The following KLHL4 variants were observed in gnomAD, a reference collection of about 807,000 sequenced individuals.
KLHL4 encodes the protein kelch like family member 4.
A neutral mutation model predicts 45.8 loss-of-function variants in KLHL4; 17 were observed. The observed-to-expected ratio is 0.37, with a 90% CI of 0.25 to 0.56. KLHL4 has a LOEUF of 0.56. KLHL4 is among the 20% of genes least tolerant of loss of function. The probability of loss-of-function intolerance (pLI) is 0.79; values close to 1 mark genes in which losing one functional copy is unlikely to be tolerated. For synonymous variants in KLHL4, 224 were observed against 189.9 expected, an observed-to-expected ratio of 1.18 and a Z score of -1.47; for missense variants, 544 against 544.9, an observed-to-expected ratio of 1.00 and a Z score of 0.02.
At chrX:87,642,123 T>A (rs1466675976) in intron 9 of KLHL4, among the ~76,000 whole-genome samples, 2 of 110,117 alleles carry the variant, frequency 1.8e-5, no homozygotes, top group African/African-American at 6.6e-5. Context: ...AAGCTAAGAA[T>A]CCTCACAGAC....
intron 1 of KLHL4, 92 bp downstream of exon 1, chrX:87,518,407 A>G: frequency 2.6e-6 from 2 of 782,602 alleles, no homozygotes; most frequent in Non-Finnish European, 3.7e-6. Flanking sequence ...AAAGTGTCAT[A>G]ATAATCTCTG....
intron 1 of KLHL4, among the ~76,000 whole-genome samples, chrX:87,547,852 C>T (rs750632468): frequency 9.9e-5 from 11 of 111,136 alleles, no homozygotes; most frequent in African/African-American, 3.3e-4. Flanking sequence ...AAAAATTAAG[C>T]ATGTACAAAA....
At chrX:87,634,187 G>A (rs1923187637) in intron 8 of KLHL4, among the ~76,000 whole-genome samples, 1 of 111,491 alleles carries the variant, frequency 9.0e-6, no homozygotes, top group Non-Finnish European at 1.9e-5. Flanking sequence ...TCCTAGCCCC[G>A]ACCCAGCTTT....
intron 1 of KLHL4, among the ~76,000 whole-genome samples, chrX:87,523,022 GTTA>G (rs1341621095): frequency 2.7e-5 from 3 of 111,839 alleles, no homozygotes; most frequent in East Asian, 2.8e-4. Context: ...ATTAAACATA[GTTA>G]TTATTTCTGA....
intron 1 of KLHL4, among the ~76,000 whole-genome samples, chrX:87,539,114 G>A (rs953466536): frequency 1.8e-5 from 2 of 110,681 alleles, no homozygotes; most frequent in Non-Finnish European, 3.8e-5. Flanking sequence ...ATACAAATTC[G>A]ATTCTGTATA....
intron 1 of KLHL4, among the ~76,000 whole-genome samples, chrX:87,567,260 A>G (rs1932233466): frequency 9.0e-6 from 1 of 111,378 alleles, no homozygotes; most frequent in Admixed American, 9.6e-5. Flanking sequence ...GATGCTCATT[A>G]TGATGGATAC....
chrX:87,562,805 G>T (rs753026594), intron 1 of KLHL4, among the ~76,000 whole-genome samples: 86 of 111,369 alleles, frequency 7.7e-4, no homozygotes, highest in Non-Finnish European at 1.4e-3. Flanking sequence ...CACCATCCTT[G>T]GGTGAAAACA....
At chrX:87,638,603 T>C (rs768159170) in intron 9 of KLHL4, among the ~76,000 whole-genome samples, 18 of 111,545 alleles carry the variant, frequency 1.6e-4, no homozygotes, top group Non-Finnish European at 3.2e-4. Context: ...GCTTCATAAA[T>C]GAAGGAAAGA....
At chrX:87,641,010 AT>A (rs1311428020) in intron 9 of KLHL4, among the ~76,000 whole-genome samples, 1 of 112,261 alleles carries the variant, frequency 8.9e-6, no homozygotes, top group East Asian at 2.8e-4. Flanking sequence ...TACAAAATTA[AT>A]GTACACAAAT....
intron 1 of KLHL4, among the ~76,000 whole-genome samples, chrX:87,600,230 T>C (rs1921965236): frequency 9.0e-6 from 1 of 111,034 alleles, no homozygotes; most frequent in Non-Finnish European, 1.9e-5. Flanking sequence ...CTCACACCTG[T>C]AATCCCACCA....
At chrX:87,625,548 A>T in intron 5 of KLHL4, 62 bp from the exon 6 acceptor site, 1 of 987,991 alleles carries the variant, frequency 1.0e-6, no homozygotes, top group Non-Finnish European at 1.4e-6. Context: ...TTATATAAAT[A>T]CAAATACGTT....
intron 1 of KLHL4, among the ~76,000 whole-genome samples, chrX:87,547,292 G>A: frequency 9.0e-6 from 1 of 110,779 alleles, no homozygotes; most frequent in East Asian, 2.9e-4. Flanking sequence ...AGATCTGATT[G>A]TTTTATAAGT....
At chrX:87,547,893 CTTAAAG>C (rs1931719523) in intron 1 of KLHL4, among the ~76,000 whole-genome samples, 1 of 111,346 alleles carries the variant, frequency 9.0e-6, no homozygotes, top group Admixed American at 9.6e-5. Context: ...AAGGGCAGAT[CTTAAAG>C]TTATTCACCT....
chrX:87,532,777 T>C (rs1361023678), intron 1 of KLHL4, among the ~76,000 whole-genome samples: 8 of 109,905 alleles, frequency 7.3e-5, no homozygotes, highest in Non-Finnish European at 1.5e-4. Flanking sequence ...TTTTTGTACA[T>C]TGATTTTGTA....
Position 87,622,373 on chromosome X carries a change from G to C in KLHL4, c.1087G>C (p.Glu363Gln), listed in dbSNP as rs1246515303. The C allele has an allele frequency of 8.3e-6, 10 of 1,207,573 alleles. No homozygotes were observed. Among genetic ancestry groups the C allele is most frequent in the Non-Finnish European group, 1.1e-5 (10 of 892,869 alleles). Residue 363 changes from glutamate (E) to glutamine (Q), a missense_variant, in exon 5 of 11, where the codon GAA becomes CAA. Transcript: ENST00000373119. ...VGHDVQNRQG[E>Q]LGMLLSYIRL... ...GCATGATGTGCAGAATAGGCAAGGAGAACTGGGGATGCTGCTTTCTTACAT... is the reference window on the plus strand; with the variant it reads ...GCATGATGTGCAGAATAGGCAAGGACAACTGGGGATGCTGCTTTCTTACAT...
At chrX:87,624,605 A>C (rs1192256606) in intron 5 of KLHL4, among the ~76,000 whole-genome samples, 1 of 111,330 alleles carries the variant, frequency 9.0e-6, no homozygotes, top group Non-Finnish European at 1.9e-5. Context: ...TATTCCAGCA[A>C]CCTGCTCACT....
chrX:87,630,946 A>G (rs1923076065), intron 6 of KLHL4, among the ~76,000 whole-genome samples: 2 of 111,463 alleles, frequency 1.8e-5, no homozygotes, highest in African/African-American at 6.5e-5. Context: ...GGCAAAAGAA[A>G]GAGAATAGCT....
chrX:87,601,794 G>A (rs779916990), intron 1 of KLHL4, among the ~76,000 whole-genome samples: 14 of 111,418 alleles, frequency 1.3e-4, no homozygotes, highest in African/African-American at 4.6e-4. Flanking sequence ...TTTCATAGCA[G>A]TTCATATGCT....
At chrX:87,659,122 T>C (rs1461941015) in intron 9 of KLHL4, among the ~76,000 whole-genome samples, 2 of 82,301 alleles carry the variant, frequency 2.4e-5, no homozygotes, top group Non-Finnish European at 4.7e-5. Flanking sequence ...TCTTTTTTTT[T>C]TTTTTTTTTT....
Sources: gnomAD v4.1 joint callset for allele counts (sites outside exome capture counted in the v4.1 genomes callset) on GRCh38, gnomAD v4.1.1 for gene constraint, MANE v1.5 for transcripts, NCBI Gene and HGNC (gene_info 2026-07-23, HGNC 2026-07-21) for gene names.